FMNL2: variants seen among roughly 807,000 people sequenced by gnomAD.
FMNL2 encodes the protein formin like 2.
In FMNL2, 51 loss-of-function variants were observed where a neutral mutation model predicts 130.2. The observed-to-expected ratio is 0.39, with a 90% confidence interval of 0.31 to 0.49. The LOEUF (loss-of-function observed/expected upper bound fraction) is 0.49. FMNL2 is among the 20% of genes least tolerant of loss of function. The probability of loss-of-function intolerance (pLI) is 0.85; values close to 1 mark genes in which losing one functional copy is unlikely to be tolerated. For missense variants in FMNL2, 977 were observed against 1,316.2 expected, an observed-to-expected ratio of 0.74 and a Z score of 3.99; for synonymous variants, 465 against 467.1, an observed-to-expected ratio of 1.00 and a Z score of 0.06.
chr2:152,393,725 A>G (rs774758986), intron 1 of FMNL2, among the ~76,000 whole-genome samples: 2 of 152,224 alleles, frequency 1.3e-5, no homozygotes, highest in African/African-American at 2.4e-5. Context: ...TGTTTTTCAT[A>G]TGCATGAGCT....
intron 1 of FMNL2, among the ~76,000 whole-genome samples, chr2:152,425,099 G>A (rs1260378621): frequency 6.6e-6 from 1 of 152,142 alleles, no homozygotes; most frequent in Non-Finnish European, 1.5e-5. Flanking sequence ...ACATAAGTAG[G>A]CATTGAAACC....
At chr2:152,414,508 A>T (rs75127498) in intron 1 of FMNL2, among the ~76,000 whole-genome samples, 2 of 152,170 alleles carry the variant, frequency 1.3e-5, no homozygotes, top group Admixed American at 6.5e-5. Context: ...TAGAATAAAG[A>T]TGGAAGCTTT....
intron 2 of FMNL2, among the ~76,000 whole-genome samples, chr2:152,529,764 C>T (rs1457963278): frequency 6.6e-6 from 1 of 151,988 alleles, no homozygotes; most frequent in Admixed American, 6.6e-5. Context: ...AGATTGGAGT[C>T]AGGGGAGAGA....
At chr2:152,380,896 T>A (rs964810194) in intron 1 of FMNL2, among the ~76,000 whole-genome samples, 2 of 152,218 alleles carry the variant, frequency 1.3e-5, no homozygotes, top group African/African-American at 4.8e-5. Context: ...AGTTTATGGC[T>A]GTTCAGTTTA....
chr2:152,643,730 T>C (rs775098691), intron 25 of FMNL2: 2 of 985,346 alleles, frequency 2.0e-6, no homozygotes, highest in African/African-American at 3.5e-5. Flanking sequence ...TGTATTCACA[T>C]TGCTGTAACA....
chr2:152,355,936 C>A (rs908714587), intron 1 of FMNL2, among the ~76,000 whole-genome samples: 6 of 152,204 alleles, frequency 3.9e-5, no homozygotes, highest in African/African-American at 1.4e-4. Flanking sequence ...CTCGTTCTCT[C>A]CTGACTTCCT....
intron 1 of FMNL2, among the ~76,000 whole-genome samples, chr2:152,391,757 A>T (rs901192794): frequency 2.0e-5 from 3 of 148,778 alleles, no homozygotes; most frequent in African/African-American, 7.3e-5. Context: ...TTCATTAATA[A>T]TAATGTTGCT....
chr2:152,628,600 T>C, intron 18 of FMNL2, 67 bp downstream of exon 18: 1 of 1,388,722 alleles, frequency 7.2e-7, no homozygotes, highest in East Asian at 2.3e-5. Context: ...TTTTAAAGTC[T>C]CTCCCAGAAT....
intron 1 of FMNL2, among the ~76,000 whole-genome samples, chr2:152,456,852 C>T (rs1415347612): frequency 1.3e-5 from 2 of 150,592 alleles, no homozygotes; most frequent in African/African-American, 4.9e-5. Context: ...GCAGGAGAAT[C>T]GCTTGAACTT....
chr2:152,364,259 G>GTTTTTTTTTT lies in FMNL2; in HGVS notation c.117+28540_117+28541insTTTTTTTTTT, dbSNP rs1163993397. Among the ~76,000 whole-genome samples, 12 of 100,766 alleles carry GTTTTTTTTTT rather than the reference G, an allele frequency of 1.2e-4. 1 individual carries two copies. Among genetic ancestry groups the GTTTTTTTTTT allele is most frequent in the East Asian group, 1.4e-3 (2 of 1,476 alleles). The allele number at this position is 100,766 out of a possible 152,430, so 66.1% of individuals were successfully genotyped here. A position where few individuals can be genotyped will look rare whatever the true frequency, so the allele number is the denominator to read the frequency against. On this transcript the variant is annotated intron_variant, in intron 1 of 25. Transcript: ENST00000288670. ...GTTTCACATCCGTTAGGAGGTTTGTGTGTTTTTTTTTTTTTTTTTTTTTTT... is the reference window on the plus strand; with the variant it reads ...GTTTCACATCCGTTAGGAGGTTTGTGTTTTTTTTTTTGTTTTTTTTTTTTTTTTTTTTTTT...
At chr2:152,566,140 T>G (rs1005826621) in intron 6 of FMNL2, among the ~76,000 whole-genome samples, 4 of 152,202 alleles carry the variant, frequency 2.6e-5, no homozygotes, top group Admixed American at 2.0e-4. Context: ...TATTTACCAC[T>G]TGTATCCTTA....
rs568171637 is a variant in FMNL2 at position 152,549,634 on chromosome 2, A to G, written c.359+537A>G. On this transcript the variant is annotated intron_variant, in intron 4 of 25. Coordinates refer to ENST00000288670, the MANE Select transcript of FMNL2 (RefSeq NM_052905.4). ...CCATGAAGTGTAAATCCACTGTGGG[A>G]AAATAAAGTTCAGGGAATCTATGCA... Among the ~76,000 whole-genome samples, 8 of 152,322 alleles carry G rather than the reference A, an allele frequency of 5.3e-5. 1 individual carries two copies. Among genetic ancestry groups the G allele is most frequent in the Admixed American group, 5.2e-4 (8 of 15,298 alleles).
intron 1 of FMNL2, among the ~76,000 whole-genome samples, chr2:152,413,996 T>C (rs546341940): frequency 6.6e-6 from 1 of 152,330 alleles, no homozygotes; most frequent in East Asian, 1.9e-4. Flanking sequence ...GTTTTTAGGT[T>C]ATTTTATTTG....
intron 1 of FMNL2, among the ~76,000 whole-genome samples, chr2:152,485,214 C>T (rs1254299014): frequency 2.6e-5 from 4 of 152,184 alleles, no homozygotes; most frequent in Admixed American, 6.5e-5. Flanking sequence ...CATGCATGGC[C>T]GGGCACGGTG....
chr2:152,448,952 G>A (rs974721854), intron 1 of FMNL2, among the ~76,000 whole-genome samples: 1 of 152,118 alleles, frequency 6.6e-6, no homozygotes, highest in African/African-American at 2.4e-5. Flanking sequence ...TGTGTTTGTC[G>A]AGAAGAAACC....
intron 9 of FMNL2, among the ~76,000 whole-genome samples, chr2:152,595,768 C>T (rs1332291909): frequency 6.6e-6 from 1 of 152,014 alleles, no homozygotes; most frequent in African/African-American, 2.4e-5. Context: ...GTCCCTTTCC[C>T]ATATTCTTGC....
At chr2:152,568,223 T>TTTTTTTTTTTTG (rs1553478445) in intron 6 of FMNL2, among the ~76,000 whole-genome samples, 2 of 132,276 alleles carry the variant, frequency 1.5e-5, no homozygotes, top group African/African-American at 5.8e-5. Flanking sequence ...GGTGGGTTTT[T>TTTTTTTTTTTTG]TTTTTTTTTT....
intron 1 of FMNL2, among the ~76,000 whole-genome samples, chr2:152,388,875 T>C (rs1684939791): frequency 6.6e-6 from 1 of 152,236 alleles, no homozygotes; most frequent in Non-Finnish European, 1.5e-5. Flanking sequence ...GTCTACTTTT[T>C]GTTTATAGAA....
chr2:152,513,969 A>T (rs1207242540), intron 1 of FMNL2, among the ~76,000 whole-genome samples: 2 of 152,182 alleles, frequency 1.3e-5, no homozygotes, highest in African/African-American at 4.8e-5. Flanking sequence ...GGCTAGGAAG[A>T]TAATAAAATT....
Sources: allele counts gnomAD v4.1 joint callset (sites outside exome capture counted in the v4.1 genomes callset), GRCh38; gene constraint gnomAD v4.1.1; transcripts MANE v1.5; gene names NCBI Gene and HGNC (gene_info 2026-07-23, HGNC 2026-07-21).